KAZN: variants seen among roughly 807,000 people sequenced by gnomAD.
KAZN encodes the protein kazrin, periplakin interacting protein, also known as kazrin.
In KAZN, 40 loss-of-function variants were observed where a neutral mutation model predicts 87.4. The observed-to-expected ratio is 0.46, with a 90% CI of 0.36 to 0.60. KAZN has a LOEUF of 0.60. Among genes scored for constraint, KAZN ranks in the 20% least tolerant of loss-of-function variants. The pLI, the probability that KAZN is intolerant of heterozygous loss-of-function variation, is 0.00. For synonymous variants in KAZN, 466 were observed against 458.3 expected (o/e 1.02, Z -0.22); for missense variants, 898 against 1,073.9 (o/e 0.84, Z 2.29).
At chr1:14,531,332 C>T (rs1358077591) in intron 2 of KAZN, among the ~76,000 whole-genome samples, 2 of 152,170 alleles carry the variant, frequency 1.3e-5, no homozygotes, top group African/African-American at 4.8e-5. Flanking sequence ...CTGGAGATCC[C>T]ATGAGATTAC....
intron 2 of KAZN, among the ~76,000 whole-genome samples, chr1:15,018,690 G>A (rs910131219): frequency 6.6e-6 from 1 of 151,970 alleles, no homozygotes; most frequent in Admixed American, 6.6e-5. Context: ...AGATCACAGT[G>A]TTTTGTGACC....
At position 14,384,716 on chromosome 1, in the gene KAZN, G is replaced by A. The variant is rs1454132875; in HGVS notation, c.249+204124G>A. On this transcript the variant is annotated intron_variant, in intron 2 of 16. Coordinates refer to the KAZN transcript ENST00000636203. Reference sequence around the variant, plus strand: ...TTTGATGTGCTGCTGGATTCGGTTTGCCAGTATTTTATTGAGGATTTTTGC... The same window carrying A: ...TTTGATGTGCTGCTGGATTCGGTTTACCAGTATTTTATTGAGGATTTTTGC... 7.3e-5 allele frequency among the ~76,000 whole-genome samples: 11 copies of A among 151,598 alleles called. No individual in the cohort carries two copies. The East Asian group carries it at 2.2e-3, about 30-fold the overall frequency.
At chr1:14,419,610 T>C (rs1189045987) in intron 2 of KAZN, among the ~76,000 whole-genome samples, 2 of 152,338 alleles carry the variant, frequency 1.3e-5, no homozygotes, top group East Asian at 3.9e-4. Context: ...TTACAGTTCT[T>C]AAAGGTAGTG....
chr1:14,521,258 C>T (rs79160724), intron 2 of KAZN, among the ~76,000 whole-genome samples: 1 of 152,106 alleles, frequency 6.6e-6, no homozygotes, highest in African/African-American at 2.4e-5. Context: ...GCACCATAAC[C>T]ACTTGAGCCA....
intron 1 of KAZN, among the ~76,000 whole-genome samples, chr1:14,100,640 G>A (rs186534713): frequency 1.3e-5 from 2 of 152,298 alleles, no homozygotes; most frequent in East Asian, 3.9e-4. Context: ...GCTTTGTTGG[G>A]GGCTGGTCAC....
At chr1:14,832,263 G>A (rs951473470) in intron 1 of KAZN, among the ~76,000 whole-genome samples, 1 of 151,614 alleles carries the variant, frequency 6.6e-6, no homozygotes, top group Non-Finnish European at 1.5e-5. Context: ...GGCTGAATCT[G>A]CCACACCCCA....
intron 1 of KAZN, among the ~76,000 whole-genome samples, chr1:14,707,080 A>G (rs923595283): frequency 1.3e-5 from 2 of 152,114 alleles, no homozygotes; most frequent in African/African-American, 2.4e-5. Flanking sequence ...AATGGTTTCA[A>G]CCTGTGTGTG....
intron 2 of KAZN, among the ~76,000 whole-genome samples, chr1:14,521,991 C>T (rs1237151410): frequency 1.3e-5 from 2 of 152,160 alleles, no homozygotes; most frequent in Non-Finnish European, 2.9e-5. Context: ...TACTAATATA[C>T]ATCCAAATGT....
intron 2 of KAZN, among the ~76,000 whole-genome samples, chr1:15,014,527 G>A (rs1002212899): frequency 6.6e-6 from 1 of 152,120 alleles, no homozygotes; most frequent in Non-Finnish European, 1.5e-5. Flanking sequence ...AAGCTCTGCT[G>A]GATGAGCCTC....
chr1:14,024,669 A>G (rs559113184), intron 1 of KAZN, among the ~76,000 whole-genome samples: 12 of 152,298 alleles, frequency 7.9e-5, no homozygotes, highest in Non-Finnish European at 1.8e-4. Context: ...CACTCAAAGC[A>G]GATTCAGATC....
chr1:14,498,330 C>G (rs1482599243), intron 2 of KAZN, among the ~76,000 whole-genome samples: 1 of 152,226 alleles, frequency 6.6e-6, no homozygotes, highest in Non-Finnish European at 1.5e-5. Context: ...CCTGCCTGCT[C>G]TGTGCCCCAG....
intron 1 of KAZN, among the ~76,000 whole-genome samples, chr1:13,941,046 T>C (rs935064758): frequency 6.6e-6 from 1 of 151,922 alleles, no homozygotes; most frequent in Non-Finnish European, 1.5e-5. Flanking sequence ...ATACAAAAAT[T>C]AGCCAGGCAT....
At chr1:14,352,585 A>G (rs1445447336) in intron 2 of KAZN, among the ~76,000 whole-genome samples, 1 of 152,212 alleles carries the variant, frequency 6.6e-6, no homozygotes, top group Non-Finnish European at 1.5e-5. Flanking sequence ...TATTATGACC[A>G]GAAACAATTT....
chr1:13,922,671 C>T (rs754516489), intron 1 of KAZN, among the ~76,000 whole-genome samples: 3 of 152,080 alleles, frequency 2.0e-5, no homozygotes. Context: ...TTTAAAGGCA[C>T]CCTGAGAAAG....
intron 1 of KAZN, among the ~76,000 whole-genome samples, chr1:14,653,879 C>A (rs1638610118): frequency 6.6e-6 from 1 of 152,232 alleles, no homozygotes; most frequent in Admixed American, 6.5e-5. Context: ...CCAGATACTT[C>A]TCTGTTGCGT....
chr1:14,322,818 A>C (rs1656140607), intron 2 of KAZN, among the ~76,000 whole-genome samples: 1 of 152,198 alleles, frequency 6.6e-6, no homozygotes, highest in Non-Finnish European at 1.5e-5. Context: ...GCAAATAGCA[A>C]AATCCCACAT....
At chr1:14,317,592 G>GT (rs952869894) in intron 2 of KAZN, among the ~76,000 whole-genome samples, 22 of 151,674 alleles carry the variant, frequency 1.5e-4, no homozygotes, top group Admixed American at 2.0e-4. Flanking sequence ...TGCTCCATCT[G>GT]TTTTTTTCCC....
chr1:14,682,074 C>T (rs537412409), intron 1 of KAZN, among the ~76,000 whole-genome samples: 8 of 152,092 alleles, frequency 5.3e-5, no homozygotes, highest in Admixed American at 5.2e-4. Context: ...ATCTCCAGAA[C>T]GTTTTTCATC....
At chr1:15,035,032 G>A (rs918523940) in intron 3 of KAZN, 147 bp downstream of exon 3, 9 of 1,001,424 alleles carry the variant, frequency 9.0e-6, no homozygotes, top group South Asian at 3.3e-5. Flanking sequence ...CCTAGGCACC[G>A]AGATAAAACC....
Sources: allele counts gnomAD v4.1 joint callset (sites outside exome capture counted in the v4.1 genomes callset), GRCh38; gene constraint gnomAD v4.1.1; transcripts MANE v1.5; gene names NCBI Gene and HGNC (gene_info 2026-07-23, HGNC 2026-07-21).